Variants in AGBL1 observed in about 807,000 individuals in gnomAD.
AGBL1 encodes the protein AGBL carboxypeptidase 1.
A neutral mutation model predicts 118.9 loss-of-function variants in AGBL1; 130 were observed. The ratio of observed to expected loss-of-function variants is 1.09; its 90% CI spans 0.95 to 1.26. The LOEUF is 1.26. Among genes scored for constraint, AGBL1 ranks in the 50% most tolerant of loss-of-function variants. AGBL1 has a pLI of 0.00. For synonymous variants in AGBL1, 555 were observed against 478.9 expected (o/e 1.16, Z -2.08); for missense variants, 1,584 against 1,298.1 (o/e 1.22, Z -3.38).
chr15:86,477,999 A>G (rs2082588153), intron 18 of AGBL1, among the ~76,000 whole-genome samples: 1 of 152,244 alleles, frequency 6.6e-6, no homozygotes, highest in Non-Finnish European at 1.5e-5. Flanking sequence ...TTATCTCAAT[A>G]GATGCAAAAA....
intron 18 of AGBL1, among the ~76,000 whole-genome samples, chr15:86,496,693 A>T (rs763602624): frequency 6.6e-6 from 1 of 151,878 alleles, no homozygotes; most frequent in African/African-American, 2.4e-5. Flanking sequence ...TACTAATTAT[A>T]TTTTATTATT....
chr15:86,497,715 G>T (rs1200020252), intron 18 of AGBL1, among the ~76,000 whole-genome samples: 3 of 151,828 alleles, frequency 2.0e-5, no homozygotes, highest in African/African-American at 4.8e-5. Flanking sequence ...TCCTAATGCA[G>T]ACTTTCAAAC....
chr15:86,569,283 C>G (rs1211936807), intron 21 of AGBL1, among the ~76,000 whole-genome samples: 1 of 151,758 alleles, frequency 6.6e-6, no homozygotes, highest in African/African-American at 2.4e-5. Context: ...AAATTAAAAT[C>G]AGCCGACCAT....
chr15:86,389,277 A>G (rs951597123), intron 17 of AGBL1, among the ~76,000 whole-genome samples: 1 of 152,300 alleles, frequency 6.6e-6, no homozygotes, highest in African/African-American at 2.4e-5. Flanking sequence ...ACACATTTCT[A>G]TTTCTGAAAA....
Position 86,264,629 on chromosome 15 carries a change from T to C in AGBL1, c.1458T>C (p.Thr486=), listed in dbSNP as rs762904376. ...PRMSASFSNS[T]RTREVVKVID... Reference sequence around the variant, plus strand: ...TGAGTGCCTCCTTTTCTAATTCCACTAGGACTAGAGAAGTTGTCAAAGTAA... The same window carrying C: ...TGAGTGCCTCCTTTTCTAATTCCACCAGGACTAGAGAAGTTGTCAAAGTAA... The change falls in exon 11 of 23, where the codon ACT becomes ACC. Residue 486 remains threonine (T), a synonymous_variant. Transcript: ENST00000614907. 3 of 1,613,704 alleles carry C rather than the reference T, an allele frequency of 1.9e-6. No individual in the cohort carries two copies. Among genetic ancestry groups the C allele is most frequent in the Non-Finnish European group, 2.5e-6 (3 of 1,179,832 alleles).
chr15:86,706,806 A>G (rs2142667883), intron 22 of AGBL1, among the ~76,000 whole-genome samples: 1 of 152,240 alleles, frequency 6.6e-6, no homozygotes, highest in African/African-American at 2.4e-5. Flanking sequence ...CTAGCCCCAA[A>G]TTTAAATCCA....
intron 17 of AGBL1, among the ~76,000 whole-genome samples, chr15:86,298,261 A>ATATATATATATATGGTAAC (rs2079682726): frequency 3.9e-5 from 4 of 103,098 alleles, no homozygotes; most frequent in Non-Finnish European, 5.7e-5. Flanking sequence ...ATATATATAT[A>ATATATATATATATGGTAAC]TATATATATA....
chr15:86,321,238 G>T (rs1032932731), intron 17 of AGBL1, among the ~76,000 whole-genome samples: 1 of 152,094 alleles, frequency 6.6e-6, no homozygotes, highest in Non-Finnish European at 1.5e-5. Context: ...GTGCTTTCTT[G>T]TGAGAACTTT....
At chr15:86,454,603 G>A (rs1159963513) in intron 18 of AGBL1, among the ~76,000 whole-genome samples, 1 of 152,122 alleles carries the variant, frequency 6.6e-6, no homozygotes, top group Non-Finnish European at 1.5e-5. Flanking sequence ...CTACAACACG[G>A]ATGAACCTCA....
intron 24 of AGBL1, among the ~76,000 whole-genome samples, chr15:87,017,813 G>C (rs770702785): frequency 2.0e-5 from 3 of 152,130 alleles, no homozygotes; most frequent in Non-Finnish European, 4.4e-5. Context: ...TAAATTGACA[G>C]AAGTAGGCTT....
intron 21 of AGBL1, among the ~76,000 whole-genome samples, chr15:86,627,445 C>A (rs2084904990): frequency 6.6e-6 from 1 of 152,018 alleles, no homozygotes; most frequent in Non-Finnish European, 1.5e-5. Flanking sequence ...TTAGAGATAC[C>A]AAGGTACAAA....
chr15:86,541,922 A>T (rs1370113144), intron 19 of AGBL1, among the ~76,000 whole-genome samples: 1 of 152,214 alleles, frequency 6.6e-6, no homozygotes, highest in Non-Finnish European at 1.5e-5. Context: ...AAGAATTACA[A>T]GATTTGATAA....
chr15:86,303,664 C>A (rs944950869), intron 17 of AGBL1, among the ~76,000 whole-genome samples: 1 of 151,938 alleles, frequency 6.6e-6, no homozygotes, highest in Non-Finnish European at 1.5e-5. Flanking sequence ...TTTTATACTA[C>A]CTAATTTTCT....
intron 21 of AGBL1, among the ~76,000 whole-genome samples, chr15:86,570,720 C>G (rs1353285417): frequency 6.6e-6 from 1 of 152,170 alleles, no homozygotes; most frequent in Non-Finnish European, 1.5e-5. Context: ...GCTTGTGCAG[C>G]TATTTCAGGT....
intron 23 of AGBL1, among the ~76,000 whole-genome samples, chr15:86,960,427 G>T (rs2080980366): frequency 6.6e-6 from 1 of 151,986 alleles, no homozygotes; most frequent in Admixed American, 6.6e-5. Flanking sequence ...ATAGGGTAAG[G>T]ATCAGATTCA....
intron 5 of AGBL1, among the ~76,000 whole-genome samples, chr15:86,187,063 T>A (rs1027773133): frequency 2.6e-5 from 4 of 152,250 alleles, no homozygotes; most frequent in African/African-American, 9.6e-5. Flanking sequence ...TGTAACTGCT[T>A]CTTCGTTTTT....
At chr15:86,998,115 A>T (rs886630387) in intron 24 of AGBL1, among the ~76,000 whole-genome samples, 20 of 152,076 alleles carry the variant, frequency 1.3e-4, no homozygotes, top group African/African-American at 4.1e-4. Context: ...CCTCCTAAGA[A>T]TTTCCACCTC....
chr15:86,724,392 T>C (rs1452969144), intron 22 of AGBL1, among the ~76,000 whole-genome samples: 1 of 152,058 alleles, frequency 6.6e-6, no homozygotes, highest in African/African-American at 2.4e-5. Context: ...TCAAGAATTA[T>C]GACAAGCATT....
chr15:86,937,000 A>G (rs1450893989), intron 23 of AGBL1, among the ~76,000 whole-genome samples: 1 of 152,252 alleles, frequency 6.6e-6, no homozygotes, highest in Non-Finnish European at 1.5e-5. Context: ...AAGGACATGA[A>G]CAGCCACCTT....
Sources: gnomAD v4.1 joint callset for allele counts (sites outside exome capture counted in the v4.1 genomes callset) on GRCh38, gnomAD v4.1.1 for gene constraint, MANE v1.5 for transcripts, NCBI Gene and HGNC (gene_info 2026-07-23, HGNC 2026-07-21) for gene names.